GRM8: variants seen among roughly 807,000 people sequenced by gnomAD.
GRM8 encodes the protein metabotropic glutamate receptor 8.
GRM8 carries 47 observed loss-of-function variants against 87.2 expected under a neutral mutation model. The ratio of observed to expected loss-of-function variants is 0.54; its 90% confidence interval spans 0.43 to 0.69. The LOEUF (loss-of-function observed/expected upper bound fraction) is 0.69, where lower values mean the gene tolerates loss of function less well. GRM8 is among the 30% of genes least tolerant of loss of function. The pLI, the probability that GRM8 is intolerant of heterozygous loss-of-function variation, is 0.00. For synonymous variants in GRM8, 396 were observed against 404.5 expected, an observed-to-expected ratio of 0.98 and a Z score of 0.25; for missense variants, 1,019 against 1,139.2, an observed-to-expected ratio of 0.89 and a Z score of 1.52.
chr7:126,522,730 T>C (rs1482324986), intron 9 of GRM8, among the ~76,000 whole-genome samples: 1 of 152,150 alleles, frequency 6.6e-6, no homozygotes, highest in Non-Finnish European at 1.5e-5. Flanking sequence ...TTGCATCTGT[T>C]CCTTTCCCTC....
intron 7 of GRM8, among the ~76,000 whole-genome samples, chr7:126,628,465 A>G (rs1800916930): frequency 6.6e-6 from 1 of 152,234 alleles, no homozygotes; most frequent in South Asian, 2.1e-4. Flanking sequence ...TGAACAAATC[A>G]ATCATGGTAT....
intron 6 of GRM8, among the ~76,000 whole-genome samples, chr7:126,863,616 G>A (rs897411097): frequency 1.3e-5 from 2 of 152,204 alleles, no homozygotes; most frequent in African/African-American, 2.4e-5. Context: ...TAGTGTGCTC[G>A]AGAAAATGGA....
At chr7:126,989,848 G>A (rs1465304464) in intron 3 of GRM8, among the ~76,000 whole-genome samples, 2 of 152,076 alleles carry the variant, frequency 1.3e-5, no homozygotes, top group Non-Finnish European at 2.9e-5. Context: ...TGTGGTCCCA[G>A]CTACTCCAGA....
intron 2 of GRM8, among the ~76,000 whole-genome samples, chr7:127,231,915 G>A (rs577905926): frequency 6.7e-6 from 1 of 148,874 alleles, no homozygotes; most frequent in Non-Finnish European, 1.5e-5. Context: ...TTTTTCTTTT[G>A]GCGCTGAAAC....
intron 7 of GRM8, among the ~76,000 whole-genome samples, chr7:126,691,300 T>C (rs900208371): frequency 3.9e-5 from 6 of 152,190 alleles, no homozygotes; most frequent in Admixed American, 2.0e-4. Context: ...GTGCCTGGGC[T>C]CAGCCTTAAC....
At chr7:126,484,403 T>C (rs532341158) in intron 9 of GRM8, among the ~76,000 whole-genome samples, 6 of 151,978 alleles carry the variant, frequency 3.9e-5, no homozygotes, top group African/African-American at 1.2e-4. Flanking sequence ...TGGGATCCCT[T>C]AGCATGCATT....
intron 2 of GRM8, among the ~76,000 whole-genome samples, chr7:127,206,315 A>G (rs892563335): frequency 4.6e-5 from 7 of 152,174 alleles, no homozygotes; most frequent in Admixed American, 6.5e-5. Flanking sequence ...CTCTCAGAAC[A>G]GCCGGAGTAT....
At chr7:126,776,916 T>C (rs28705047) in intron 6 of GRM8, among the ~76,000 whole-genome samples, 1,935 of 152,302 alleles carry the variant, frequency 0.013, 48 homozygotes, top group African/African-American at 0.044. Context: ...CCCTTGAAGA[T>C]TATTTAAGTA....
At chr7:126,849,979 C>T (rs143642247) in intron 6 of GRM8, among the ~76,000 whole-genome samples, 1 of 152,286 alleles carries the variant, frequency 6.6e-6, no homozygotes, top group East Asian at 1.9e-4. Flanking sequence ...TAATGCAGCC[C>T]TCTTTTGATA....
Position 126,769,991 on chromosome 7 carries a change from A to T in GRM8, c.1231T>A (p.Ser411Thr), listed in dbSNP as rs544016597. ...KVQFVIDAVYSMAYALHNMHK... is the reference protein window; with the variant it reads ...KVQFVIDAVYTMAYALHNMHK... The stretch of plus-strand genomic sequence containing the variant: ...ATATTGTGCAGGGCGTAAGCCATGG[A>T]ATATACAGCATCAATTACAAATTGG... The change falls in exon 7 of 11, where the codon TCC (serine) becomes ACC (threonine). Residue 411 changes from serine (S) to threonine (T), a missense_variant. Ser to Thr is a moderately conservative substitution (Grantham distance 58, BLOSUM62 1). Transcript: ENST00000339582. 3.7e-6 allele frequency: 6 copies of T among 1,612,552 alleles called. No individual in the cohort carries two copies. The African/African-American group carries it at 8.0e-5, about 21-fold the overall frequency.
At chr7:127,045,260 A>G (rs17862269) in intron 3 of GRM8, among the ~76,000 whole-genome samples, 2,146 of 151,524 alleles carry the variant, frequency 0.014, 26 homozygotes, top group Middle Eastern at 0.021. Context: ...ATGTATAAAT[A>G]GTGTGGCATA....
At position 127,066,369 on chromosome 7, in the gene GRM8, T is replaced by C. The variant is rs10487470; in HGVS notation, c.727+40127A>G. On this transcript the variant is annotated intron_variant, in intron 3 of 10. Transcript: ENST00000339582. Reference sequence around the variant, plus strand: ...GTTTTGAAGGTAACATTGTGACTTATGGAATATCTAAACGCATGCAATTAT... The same window carrying C: ...GTTTTGAAGGTAACATTGTGACTTACGGAATATCTAAACGCATGCAATTAT... 3.9e-3 allele frequency among the ~76,000 whole-genome samples: 588 copies of C among 152,346 alleles called. 11 individuals carry two copies. Among genetic ancestry groups the C allele is most frequent in the Admixed American group, 0.026 (404 of 15,314 alleles).
intron 7 of GRM8, among the ~76,000 whole-genome samples, chr7:126,694,076 T>C (rs1585552898): frequency 6.6e-6 from 1 of 151,970 alleles, no homozygotes; most frequent in Non-Finnish European, 1.5e-5. Flanking sequence ...CTCCCAACTA[T>C]GTTTTTCTTA....
At chr7:126,761,170 C>G (rs919451547) in intron 7 of GRM8, among the ~76,000 whole-genome samples, 2 of 151,418 alleles carry the variant, frequency 1.3e-5, no homozygotes, top group Admixed American at 6.6e-5. Flanking sequence ...TGCACTCCAG[C>G]CTGGGTGACA....
At chr7:127,061,655 G>T (rs962822455) in intron 3 of GRM8, among the ~76,000 whole-genome samples, 5 of 152,012 alleles carry the variant, frequency 3.3e-5, no homozygotes, top group African/African-American at 1.2e-4. Context: ...GTTCTACTGT[G>T]TTTCCAGATC....
At chr7:126,548,092 A>C (rs1817360411) in intron 8 of GRM8, among the ~76,000 whole-genome samples, 1 of 152,086 alleles carries the variant, frequency 6.6e-6, no homozygotes, top group Non-Finnish European at 1.5e-5. Context: ...CTAGACAGGT[A>C]CCAGTCTAAA....
At chr7:126,926,914 T>C (rs1805190782) in intron 3 of GRM8, among the ~76,000 whole-genome samples, 1 of 152,356 alleles carries the variant, frequency 6.6e-6, no homozygotes, top group South Asian at 2.1e-4. Context: ...TGTGTTTGTC[T>C]AGTTCCACAT....
intron 3 of GRM8, among the ~76,000 whole-genome samples, chr7:127,015,181 GAAGAAGAAGAAGA>G (rs1815465170): frequency 2.6e-5 from 1 of 38,180 alleles, no homozygotes; most frequent in East Asian, 1.1e-3. Flanking sequence ...AGAAGGAGAA[GAAGAAGAAGAAGA>G]AGAAGAAGAA....
chr7:126,931,050 A>T (rs1193333348), intron 3 of GRM8, among the ~76,000 whole-genome samples: 1 of 152,216 alleles, frequency 6.6e-6, no homozygotes, highest in Non-Finnish European at 1.5e-5. Flanking sequence ...GTCTGTGAGC[A>T]GAGATGATAC....
Sources: allele counts gnomAD v4.1 joint callset (sites outside exome capture counted in the v4.1 genomes callset), GRCh38; gene constraint gnomAD v4.1.1; transcripts MANE v1.5; gene names NCBI Gene and HGNC (gene_info 2026-07-23, HGNC 2026-07-21).